SNCB: variants seen among roughly 807,000 people sequenced by gnomAD.
SNCB encodes beta-synuclein.
SNCB carries 8 observed loss-of-function variants against 20.0 expected under a neutral mutation model. That is an observed-to-expected ratio of 0.40 (90% confidence interval 0.24 to 0.72). The LOEUF is 0.72. Among genes scored for constraint, SNCB ranks in the 30% least tolerant of loss-of-function variants. The probability of loss-of-function intolerance (pLI) is 0.37; values close to 1 mark genes in which losing one functional copy is unlikely to be tolerated. For synonymous variants in SNCB, 56 were observed against 65.4 expected (o/e 0.86, Z 0.69); for missense variants, 125 against 168.0 (o/e 0.74, Z 1.41).
In SNCB at chr5:176,626,205, C is replaced by T. The variant is rs994939568; in HGVS notation, c.282+193G>A. ...TCACCGGGAGCGTCACACCCATGCACGCCTTTATTCAGATGCATTCTGAGC... is the reference window on the plus strand; with the variant it reads ...TCACCGGGAGCGTCACACCCATGCATGCCTTTATTCAGATGCATTCTGAGC... On this transcript the variant is annotated intron_variant, in intron 4 of 5. Transcript: ENST00000393693. This position sits in a 1 kb window ranked among gnomAD's most constrained non-coding sequence, Gnocchi z 4.2. Among the ~76,000 whole-genome samples, 2 of 152,148 alleles carry T rather than the reference C, an allele frequency of 1.3e-5. No homozygotes were observed. Among genetic ancestry groups the T allele is most frequent in the Admixed American group, 6.5e-5 (1 of 15,282 alleles).
rs1759512495 is a variant in SNCB at position 176,620,518 on chromosome 5, AAC to A, written c.*291_*292del. 1 of 456,592 alleles carries A rather than the reference AAC, an allele frequency of 2.2e-6. No homozygotes were observed. The highest frequency in any genetic ancestry group is 2.0e-5 in the African/African-American group (1 of 50,270). The allele number at this position is 456,592 out of a possible 1,614,324, so 28.3% of individuals were successfully genotyped here. A position where few individuals can be genotyped will look rare whatever the true frequency, so the allele number is the denominator to read the frequency against. Reference sequence around the variant, plus strand: ...GCCGTCGCTCGGATCTTCGTTTAAAAACACATAGAACATGCTACATCCGCGCA... The same window carrying A: ...GCCGTCGCTCGGATCTTCGTTTAAAAACATAGAACATGCTACATCCGCGCA... On this transcript the variant is annotated 3_prime_UTR_variant, in exon 6 of 6. Coordinates refer to ENST00000393693, the MANE Select transcript of SNCB (RefSeq NM_003085.5). This position sits in a 1 kb window ranked among gnomAD's most constrained non-coding sequence, Gnocchi z 4.5.
Position 176,629,701 on chromosome 5 carries a change from C to T in SNCB, c.-9-38G>A, listed in dbSNP as rs752184684. 74 of 1,600,938 alleles carry T rather than the reference C, an allele frequency of 4.6e-5. No individual in the cohort carries two copies. The highest frequency in any genetic ancestry group is 8.0e-5 in the African/African-American group (6 of 74,720). ...ATACACGGGCACCGGTGCACTGGCC[C>T]CGCACTCTCACCCCAGCCCCTCCCG... On this transcript the variant is annotated intron_variant, in intron 1 of 5. Coordinates refer to ENST00000393693, the MANE Select transcript of SNCB (RefSeq NM_003085.5). This position sits in a 1 kb window ranked among gnomAD's most constrained non-coding sequence, Gnocchi z 4.1.
chr5:176,624,827 A>AG (rs1759842303), intron 4 of SNCB, among the ~76,000 whole-genome samples: 1 of 151,804 alleles, frequency 6.6e-6, no homozygotes, highest in Non-Finnish European at 1.5e-5. Context: ...ACAAAAAAAA[A>AG]CAAATGGGAA....
chr5:176,625,259 G>A (rs751984244), intron 4 of SNCB, among the ~76,000 whole-genome samples: 1 of 152,198 alleles, frequency 6.6e-6, no homozygotes, highest in Non-Finnish European at 1.5e-5. Flanking sequence ...GGTTCTCATA[G>A]TATGCTCCCT....
Position 176,629,802 on chromosome 5 carries a change from A to C in SNCB, c.-9-139T>G. ...CTGAGCCCCCTCCCGCTTTCCCCCC[A>C]TCCCACCCCACTCCCCAGTGCGAAG... is the stretch of plus-strand genomic sequence containing the variant. On this transcript the variant is annotated intron_variant, in intron 1 of 5. Transcript: ENST00000393693. This position sits in a 1 kb window ranked among gnomAD's most constrained non-coding sequence, Gnocchi z 4.1. 51 of 1,173,712 alleles carry C rather than the reference A, an allele frequency of 4.3e-5. No individual in the cohort carries two copies. Among genetic ancestry groups the C allele is most frequent in the East Asian group, 5.4e-5 (2 of 36,806 alleles). 72.7% of individuals were successfully genotyped at this position (1,173,712 alleles called of 1,614,324 possible).
At chr5:176,625,079 C>G (rs1482900767) in intron 4 of SNCB, among the ~76,000 whole-genome samples, 1 of 152,344 alleles carries the variant, frequency 6.6e-6, no homozygotes, top group African/African-American at 2.4e-5. Flanking sequence ...TGGACAGACA[C>G]AGAGCATTCA....
In SNCB at chr5:176,626,269, G is replaced by T; in HGVS notation, c.282+129C>A. The T allele has an allele frequency of 2.5e-6, 2 of 788,694 alleles. No homozygotes were observed. Among genetic ancestry groups the T allele is most frequent in the Non-Finnish European group, 4.5e-6 (2 of 444,058 alleles). The allele number at this position is 788,694 out of a possible 1,614,324, so 48.9% of individuals were successfully genotyped here. ...GGCCTGCAGGATGGGAGGCAAAGTG[G>T]CTTGTGTTCCAAGCTGGTGGCAGGA... On this transcript the variant is annotated intron_variant, in intron 4 of 5. Transcript: ENST00000393693. This position sits in a 1 kb window ranked among gnomAD's most constrained non-coding sequence, Gnocchi z 4.2.
In SNCB at chr5:176,626,395, T is replaced by A. The variant is rs1412113676; in HGVS notation, c.282+3A>T. The A allele has an allele frequency of 1.3e-6, 2 of 1,576,260 alleles. No homozygotes were observed. Among genetic ancestry groups the A allele is most frequent in the East Asian group, 2.2e-5 (1 of 44,674 alleles). ...GCATGTGCGGGTCAGAAGGATCGCT[T>A]ACCTTCAGATCAGTAGGGAATTCCT... is the stretch of plus-strand genomic sequence containing the variant. On this transcript the variant is annotated splice_donor_region_variant and intron_variant, in intron 4 of 5. Transcript: ENST00000393693. This position sits in a 1 kb window ranked among gnomAD's most constrained non-coding sequence, Gnocchi z 4.2.
At chr5:176,628,558 C>G (rs1193628507) in intron 2 of SNCB, among the ~76,000 whole-genome samples, 2 of 152,160 alleles carry the variant, frequency 1.3e-5, no homozygotes, top group Admixed American at 6.5e-5. Flanking sequence ...TGTCTCCTGC[C>G]CATCGCTCTG....
In SNCB at chr5:176,626,536, G is replaced by A. The variant is rs371457384; in HGVS notation, c.164-20C>T. On this transcript the variant is annotated intron_variant, in intron 3 of 5. Coordinates refer to ENST00000393693, the MANE Select transcript of SNCB (RefSeq NM_003085.5). This position sits in a 1 kb window ranked among gnomAD's most constrained non-coding sequence, Gnocchi z 4.2. ...CAGCCACTGGAGCAGGGAGGGGGTTGAGGAAGGGGTTTGGGAGCCAGGGGG... is the reference window on the plus strand; with the variant it reads ...CAGCCACTGGAGCAGGGAGGGGGTTAAGGAAGGGGTTTGGGAGCCAGGGGG... The A allele has an allele frequency of 6.3e-7, 1 of 1,595,514 alleles. No homozygotes were observed. The highest frequency in any genetic ancestry group is 1.7e-5 in the Admixed American group (1 of 59,988).
intron 4 of SNCB, among the ~76,000 whole-genome samples, chr5:176,622,646 A>G (rs1418845314): frequency 6.6e-6 from 1 of 152,134 alleles, no homozygotes; most frequent in East Asian, 1.9e-4. Flanking sequence ...ACAACAATGC[A>G]TACAAGAGCA....
chr5:176,622,415 G>A (rs577422497), intron 4 of SNCB, among the ~76,000 whole-genome samples: 23 of 152,188 alleles, frequency 1.5e-4, no homozygotes, highest in African/African-American at 5.1e-4. Flanking sequence ...GCTTGAACCC[G>A]GGAGGCGGAG....
rs970096288 is a variant in SNCB at position 176,621,953 on chromosome 5, A to T, written c.283-650T>A. Among the ~76,000 whole-genome samples the T allele has an allele frequency of 6.6e-6, 1 of 152,254 alleles. No individual in the cohort carries two copies. Among genetic ancestry groups the T allele is most frequent in the African/African-American group, 2.4e-5 (1 of 41,474 alleles). ...CATGGCCAGCCACCTGCAGGTGACC[A>T]CATGTATGTGAACAAACATGGGACT... On this transcript the variant is annotated intron_variant, in intron 4 of 5. Coordinates refer to ENST00000393693, the MANE Select transcript of SNCB (RefSeq NM_003085.5). This position sits in a 1 kb window ranked among gnomAD's most constrained non-coding sequence, Gnocchi z 4.1.
intron 1 of SNCB, chr5:176,630,067 A>G (rs1220307760): frequency 6.2e-6 from 1 of 161,792 alleles, no homozygotes; most frequent in African/African-American, 2.4e-5. Context: ...ACGCGCACGA[A>G]TACCCCGACC....
Position 176,626,331 on chromosome 5 carries a change from G to T in SNCB, c.282+67C>A. 9.8e-7 allele frequency: 1 copy of T among 1,023,010 alleles called. No homozygotes were observed. 63.4% of individuals were successfully genotyped at this position (1,023,010 alleles called of 1,614,324 possible). On this transcript the variant is annotated intron_variant, in intron 4 of 5. Transcript: ENST00000393693. This position sits in a 1 kb window ranked among gnomAD's most constrained non-coding sequence, Gnocchi z 4.2. ...GGGATGGTGACAGGTTTATTTGTGT[G>T]CCTGGTGTGTGTGTGTGTGTGTGTG...
chr5:176,620,525 A>G lies in SNCB; in HGVS notation c.*286T>C. ...CTCGGATCTTCGTTTAAAAACACATAGAACATGCTACATCCGCGCAGACGC... is the reference window on the plus strand; with the variant it reads ...CTCGGATCTTCGTTTAAAAACACATGGAACATGCTACATCCGCGCAGACGC... On this transcript the variant is annotated 3_prime_UTR_variant, in exon 6 of 6. Transcript: ENST00000393693. This position sits in a 1 kb window ranked among gnomAD's most constrained non-coding sequence, Gnocchi z 4.5. The G allele has an allele frequency of 1.9e-6, 1 of 526,714 alleles. No homozygotes were observed. Among genetic ancestry groups the G allele is most frequent in the East Asian group, 3.1e-5 (1 of 32,772 alleles). The allele number at this position is 526,714 out of a possible 1,614,324, so 32.6% of individuals were successfully genotyped here.
In SNCB at chr5:176,621,345, T is replaced by G. The variant is rs1759583859; in HGVS notation, c.283-42A>C. On this transcript the variant is annotated intron_variant, in intron 4 of 5. Transcript: ENST00000393693. This position sits in a 1 kb window ranked among gnomAD's most constrained non-coding sequence, Gnocchi z 4.1. Reference sequence around the variant, plus strand: ...TCAGGACTCGTGAGGACAGCCAGGATGCCCCCCAAATTCCCACAGTGGTAA... The same window carrying G: ...TCAGGACTCGTGAGGACAGCCAGGAGGCCCCCCAAATTCCCACAGTGGTAA... 6.5e-7 allele frequency: 1 copy of G among 1,545,698 alleles called. No homozygotes were observed. The highest frequency in any genetic ancestry group is 8.9e-7 in the Non-Finnish European group (1 of 1,126,860).
At chr5:176,622,275 G>T (rs1759649667) in intron 4 of SNCB, among the ~76,000 whole-genome samples, 1 of 152,150 alleles carries the variant, frequency 6.6e-6, no homozygotes. Flanking sequence ...ATGTTAGTTT[G>T]CCCCCAAGTC....
Position 176,626,613 on chromosome 5 carries a change from G to A in SNCB, c.164-97C>T, listed in dbSNP as rs1433671804. On this transcript the variant is annotated intron_variant, in intron 3 of 5. Transcript: ENST00000393693. The surrounding 1 kb of genome is among the most constrained non-coding windows in gnomAD (Gnocchi z 4.2). Reference sequence around the variant, plus strand: ...TCCCAGGGCCTGCCCTCCCCACGGAGCATTCCCGCAGAAGCCTTGGGAGTC... The same window carrying A: ...TCCCAGGGCCTGCCCTCCCCACGGAACATTCCCGCAGAAGCCTTGGGAGTC... 4.0e-6 allele frequency: 6 copies of A among 1,517,594 alleles called. No individual in the cohort carries two copies. The highest frequency in any genetic ancestry group is 5.5e-6 in the Non-Finnish European group (6 of 1,092,422). The allele number at this position is 1,517,594 out of a possible 1,614,324, so 94.0% of individuals were successfully genotyped here.
Sources: allele counts gnomAD v4.1 joint callset (sites outside exome capture counted in the v4.1 genomes callset), GRCh38; gene constraint gnomAD v4.1.1; non-coding constraint Gnocchi (gnomAD v3.1); transcripts MANE v1.5; gene names NCBI Gene and HGNC (gene_info 2026-07-23, HGNC 2026-07-21).